RRM1: variants seen among roughly 807,000 people sequenced by gnomAD.
RRM1 encodes ribonucleoside-diphosphate reductase large subunit.
In RRM1, 19 loss-of-function variants were observed where a neutral mutation model predicts 101.5. The observed-to-expected ratio is 0.19, with a 90% CI of 0.13 to 0.27. The LOEUF (loss-of-function observed/expected upper bound fraction) is 0.27. Ranked by LOEUF, RRM1 falls within the 10% of genes least tolerant of loss-of-function variation. The pLI is 1.00. For synonymous variants in RRM1, 298 were observed against 323.4 expected, an observed-to-expected ratio of 0.92 and a Z score of 0.84; for missense variants, 500 against 962.9, an observed-to-expected ratio of 0.52 and a Z score of 6.36.
chr11:4,118,308 T>C lies in RRM1; in HGVS notation c.651-12T>C. The C allele has an allele frequency of 6.2e-7, 1 of 1,608,812 alleles. No homozygotes were observed. The highest frequency in any genetic ancestry group is 8.5e-7 in the Non-Finnish European group (1 of 1,176,582). ...TTCCTTGCTCTAAGTTGAGACATTT[T>C]TTCCCCCGTAGCTGTTTTCTTCTGA... On this transcript the variant is annotated splice_polypyrimidine_tract_variant and intron_variant, in intron 7 of 18. Transcript: ENST00000300738.
At chr11:4,115,857 C>G (rs1045466340) in intron 7 of RRM1, among the ~76,000 whole-genome samples, 9 of 152,078 alleles carry the variant, frequency 5.9e-5, no homozygotes, top group African/African-American at 2.2e-4. Context: ...GCGCCTGGCC[C>G]TACTTCCACT....
In RRM1 at chr11:4,137,272, A is replaced by G. The variant is rs1477126942; in HGVS notation, c.2191-923A>G. The stretch of plus-strand genomic sequence containing the variant: ...CCATTGTCATCTTGGCCCGTTCTCA[A>G]TGAGCTGTTGGGCACACCTCCCAGA... On this transcript the variant is annotated intron_variant, in intron 18 of 18. Coordinates refer to ENST00000300738, the MANE Select transcript of RRM1 (RefSeq NM_001033.5). The G allele has an allele frequency of 2.1e-5, 5 of 238,872 alleles. No homozygotes were observed. The East Asian group carries it at 4.8e-4, about 23-fold the overall frequency. The allele number at this position is 238,872 out of a possible 1,614,324, so 14.8% of individuals were successfully genotyped here. A position where few individuals can be genotyped will look rare whatever the true frequency, so the allele number is the denominator to read the frequency against.
intron 15 of RRM1, among the ~76,000 whole-genome samples, chr11:4,129,881 A>G (rs2094596200): frequency 1.3e-5 from 2 of 151,624 alleles, no homozygotes; most frequent in Non-Finnish European, 2.9e-5. Flanking sequence ...CAAATAATAC[A>G]TGTTAGAAAA....
At chr11:4,121,899 G>C in intron 10 of RRM1, 134 bp downstream of exon 10, 1 of 835,132 alleles carries the variant, frequency 1.2e-6, no homozygotes, top group Non-Finnish European at 1.9e-6. Flanking sequence ...CAAGTTAAGA[G>C]ATGCCGTGCT....
chr11:4,124,265 G>T (rs2094586197), intron 12 of RRM1, among the ~76,000 whole-genome samples: 1 of 152,156 alleles, frequency 6.6e-6, no homozygotes, highest in Non-Finnish European at 1.5e-5. Context: ...TGTGAGAAGG[G>T]ATTAGAGGTT....
chr11:4,110,734 A>G (rs1171686998), intron 5 of RRM1, among the ~76,000 whole-genome samples: 1 of 145,670 alleles, frequency 6.9e-6, no homozygotes, highest in East Asian at 2.1e-4. Context: ...GTGGCACTGC[A>G]CTCCAGCCTG....
In RRM1 at chr11:4,138,784, CTGAG is replaced by C. The variant is rs993010292; in HGVS notation, c.*405_*408del. The C allele has an allele frequency of 4.8e-6, 1 of 207,924 alleles. No individual in the cohort carries two copies. Among genetic ancestry groups the C allele is most frequent in the Non-Finnish European group, 9.8e-6 (1 of 102,420 alleles). The allele number at this position is 207,924 out of a possible 1,614,324, so 12.9% of individuals were successfully genotyped here. On this transcript the variant is annotated 3_prime_UTR_variant, in exon 19 of 19. Coordinates refer to ENST00000300738, the MANE Select transcript of RRM1 (RefSeq NM_001033.5). ...GACTGGTGGGTCTCTAGAAGCAAAA[CTGAG>C]TGATAACTCATGAGAAGTACTGATA...
chr11:4,096,231 T>C (rs1317242088), intron 1 of RRM1, among the ~76,000 whole-genome samples: 1 of 152,192 alleles, frequency 6.6e-6, no homozygotes, highest in African/African-American at 2.4e-5. Flanking sequence ...TCTTGCTGTG[T>C]TTCCCAGTCT....
At chr11:4,115,617 C>T (rs1348530847) in intron 7 of RRM1, among the ~76,000 whole-genome samples, 1 of 151,932 alleles carries the variant, frequency 6.6e-6, no homozygotes, top group Non-Finnish European at 1.5e-5. Flanking sequence ...AGTGCAGTGG[C>T]ACGATTTTGG....
intron 3 of RRM1, 84 bp from the exon 4 acceptor site, chr11:4,107,351 A>G (rs927474424): frequency 1.1e-6 from 1 of 934,030 alleles, no homozygotes; most frequent in Non-Finnish European, 1.7e-6. Context: ...AGGGTTGAGA[A>G]CCACTGTTTT....
chr11:4,105,304 C>T (rs1590713786), intron 2 of RRM1, among the ~76,000 whole-genome samples: 1 of 150,624 alleles, frequency 6.6e-6, no homozygotes, highest in African/African-American at 2.4e-5. Flanking sequence ...ATAGATAGCT[C>T]AGTGCAGTCT....
intron 1 of RRM1, among the ~76,000 whole-genome samples, chr11:4,101,518 T>C (rs1350304862): frequency 7.1e-5 from 10 of 140,938 alleles, no homozygotes; most frequent in Non-Finnish European, 1.5e-4. Context: ...TTCACCATAT[T>C]GATCAGGCTG....
At chr11:4,095,751 G>C (rs2094542707) in intron 1 of RRM1, among the ~76,000 whole-genome samples, 1 of 152,162 alleles carries the variant, frequency 6.6e-6, no homozygotes, top group African/African-American at 2.4e-5. Flanking sequence ...TTTTTCATTA[G>C]ACTTGCCAAG....
chr11:4,129,774 GATTA>G (rs935174865), intron 15 of RRM1, among the ~76,000 whole-genome samples: 1 of 151,878 alleles, frequency 6.6e-6, no homozygotes, highest in African/African-American at 2.4e-5. Context: ...TATGCAAAGT[GATTA>G]ATATTTGGAG....
At chr11:4,129,977 T>C (rs1207379272) in intron 15 of RRM1, among the ~76,000 whole-genome samples, 1 of 149,888 alleles carries the variant, frequency 6.7e-6, no homozygotes. Flanking sequence ...TCTTAGTGTC[T>C]GTCATCCTTT....
chr11:4,114,090 G>A (rs188568849), intron 7 of RRM1, among the ~76,000 whole-genome samples: 369 of 151,956 alleles, frequency 2.4e-3, no homozygotes, highest in African/African-American at 8.1e-3. Flanking sequence ...AGCCAAGATC[G>A]CGCCACTGCA....
chr11:4,124,247 T>C (rs2094586172), intron 12 of RRM1, among the ~76,000 whole-genome samples: 2 of 152,026 alleles, frequency 1.3e-5, no homozygotes, highest in African/African-American at 4.8e-5. Context: ...GGTTACAGAG[T>C]GTCTTGCTGT....
chr11:4,102,537 A>T (rs2133287543), intron 2 of RRM1, among the ~76,000 whole-genome samples: 1 of 152,116 alleles, frequency 6.6e-6, no homozygotes, highest in South Asian at 2.1e-4. Context: ...GGGCGCCTGT[A>T]ATCCCAGCTA....
chr11:4,132,624 G>T lies in RRM1; in HGVS notation c.1905+203G>T, dbSNP rs2094602361. ...TTAATAAATAATCTGTTGAAAGAAT[G>T]AGTGAATGAGGGTCGAGTATGAAAG... is the stretch of plus-strand genomic sequence containing the variant. On this transcript the variant is annotated intron_variant, in intron 16 of 18. Transcript: ENST00000300738. This position sits in a 1 kb window ranked among gnomAD's most constrained non-coding sequence, Gnocchi z 4.1. Among the ~76,000 whole-genome samples, 1 of 152,208 alleles carries T rather than the reference G, an allele frequency of 6.6e-6. No homozygotes were observed. Among genetic ancestry groups the T allele is most frequent in the Non-Finnish European group, 1.5e-5 (1 of 68,046 alleles).
Sources: allele counts gnomAD v4.1 joint callset (sites outside exome capture counted in the v4.1 genomes callset), GRCh38; gene constraint gnomAD v4.1.1; non-coding constraint Gnocchi (gnomAD v3.1); transcripts MANE v1.5; gene names NCBI Gene and HGNC (gene_info 2026-07-23, HGNC 2026-07-21).